Variants in GC observed in about 807,000 individuals in gnomAD.
GC encodes vitamin D-binding protein.
Under a neutral mutation model 56.7 loss-of-function variants are expected in GC, and 43 were observed. The ratio of observed to expected loss-of-function variants is 0.76; its 90% CI spans 0.59 to 0.98. GC has a LOEUF of 0.98. GC is among the 50% of genes least tolerant of loss of function. GC has a pLI of 0.00. For missense variants in GC, 529 were observed against 545.9 expected (o/e 0.97, Z 0.31); for synonymous variants, 216 against 202.7 (o/e 1.07, Z -0.56).
At chr4:71,747,580 T>A (rs1050583410) in intron 11 of GC, among the ~76,000 whole-genome samples, 3 of 152,168 alleles carry the variant, frequency 2.0e-5, no homozygotes, top group Non-Finnish European at 4.4e-5. Context: ...GTTTATTAGA[T>A]TTAACAAGAA....
chr4:71,786,534 G>T (rs796484988), upstream of GC, among the ~76,000 whole-genome samples: 4 of 151,760 alleles, frequency 2.6e-5, no homozygotes, highest in African/African-American at 9.7e-5. Context: ...TTTTGCAGGA[G>T]CTGTTTTTCC....
chr4:71,803,972 T>C, exon 1 of GC: 1 of 1,435,298 alleles, frequency 7.0e-7, no homozygotes, highest in Non-Finnish European at 9.5e-7. Flanking sequence ...CTAGTCCAGA[T>C]CATCACCAGT....
In GC at chr4:71,768,417, T is replaced by C. The variant is rs375694858; in HGVS notation, c.145A>G (p.Ser49Gly). The C allele has an allele frequency of 1.2e-5, 20 of 1,611,798 alleles. No homozygotes were observed. The highest frequency in any genetic ancestry group is 1.4e-5 in the Non-Finnish European group (17 of 1,179,132). ...AACGTGCCACTGGGAAATTTTCTAC[T>C]GTACAGGACTAGTGACCTGAGGGGA... ...DFTSLSLVLY[S>G]RKFPSGTFEQ... The change falls in exon 3 of 13, where the codon AGT (serine) becomes GGT (glycine). Residue 49 changes from serine to glycine, a missense_variant. Ser to Gly is a moderately conservative substitution (Grantham distance 56, BLOSUM62 0). Coordinates refer to ENST00000273951, the MANE Select transcript of GC (RefSeq NM_000583.4).
chr4:71,804,706 T>A (rs979413092), upstream of GC, among the ~76,000 whole-genome samples: 19 of 152,166 alleles, frequency 1.2e-4, no homozygotes, highest in Admixed American at 6.6e-5. Flanking sequence ...TTTAAAAGTG[T>A]CGAAAGTAAT....
chr4:71,796,923 C>T (rs1203258522), intron 1 of GC, among the ~76,000 whole-genome samples: 1 of 152,174 alleles, frequency 6.6e-6, no homozygotes, highest in Non-Finnish European at 1.5e-5. Context: ...ACAGTCAGGT[C>T]CCTCAGTTGC....
At chr4:71,782,113 C>G (rs1020331043) in intron 1 of GC, among the ~76,000 whole-genome samples, 1 of 151,582 alleles carries the variant, frequency 6.6e-6, no homozygotes, top group African/African-American at 2.4e-5. Context: ...ACAGAAACTT[C>G]TTTTCAAGGT....
At chr4:71,793,011 A>G (rs1743009518) in intron 1 of GC, among the ~76,000 whole-genome samples, 1 of 151,880 alleles carries the variant, frequency 6.6e-6, no homozygotes, top group South Asian at 2.1e-4. Flanking sequence ...TTCTGTTCCA[A>G]TGGTCTATAT....
At chr4:71,785,601 G>C (rs187456733), upstream of GC, among the ~76,000 whole-genome samples, 1 of 151,872 alleles carries the variant, frequency 6.6e-6, no homozygotes, top group East Asian at 1.9e-4. Context: ...AAGTATTTCT[G>C]TAAGGCCAGT....
upstream of GC, among the ~76,000 whole-genome samples, chr4:71,784,546 G>A (rs574044394): frequency 9.2e-5 from 14 of 151,692 alleles, no homozygotes; most frequent in African/African-American, 3.4e-4. Context: ...AAGTAAAAGG[G>A]GAAAAAGAGT....
upstream of GC, chr4:71,804,050 C>G (rs1743308195): frequency 3.9e-6 from 3 of 771,592 alleles, no homozygotes; most frequent in Non-Finnish European, 6.7e-6. Flanking sequence ...GTGAAAAGAG[C>G]ATCAACGTTG....
At chr4:71,765,214 A>G (rs1338003551) in intron 4 of GC, among the ~76,000 whole-genome samples, 1 of 152,180 alleles carries the variant, frequency 6.6e-6, no homozygotes, top group Non-Finnish European at 1.5e-5. Flanking sequence ...TAATAGGATT[A>G]GGGTTAGTAA....
At chr4:71,795,890 G>C (rs1457677704) in intron 1 of GC, among the ~76,000 whole-genome samples, 1 of 152,128 alleles carries the variant, frequency 6.6e-6, no homozygotes, top group East Asian at 1.9e-4. Context: ...TGTCTGTAAA[G>C]GATTTTATTT....
chr4:71,788,981 TA>T (rs1742909139), upstream of GC, among the ~76,000 whole-genome samples: 1 of 151,938 alleles, frequency 6.6e-6, no homozygotes, highest in Non-Finnish European at 1.5e-5. Context: ...GGTTTTATAA[TA>T]ATTTTTTAAT....
chr4:71,742,953 G>A (rs1276522101), intron 12 of GC, among the ~76,000 whole-genome samples: 9 of 152,112 alleles, frequency 5.9e-5, no homozygotes, highest in Admixed American at 3.3e-4. Context: ...CAGACTGGGC[G>A]ACAGAGTGAG....
intron 1 of GC, among the ~76,000 whole-genome samples, chr4:71,793,128 T>A (rs780311657): frequency 9.2e-5 from 14 of 152,242 alleles, no homozygotes; most frequent in Non-Finnish European, 1.6e-4. Context: ...TGCTTAGGAT[T>A]GTCTTGGCAA....
chr4:71,797,188 T>A (rs1188379146), intron 1 of GC, among the ~76,000 whole-genome samples: 1 of 152,222 alleles, frequency 6.6e-6, no homozygotes, highest in Non-Finnish European at 1.5e-5. Flanking sequence ...AGAGCTCACA[T>A]GCCATGCTGG....
chr4:71,775,972 A>G (rs1742495517), intron 1 of GC, among the ~76,000 whole-genome samples: 1 of 152,078 alleles, frequency 6.6e-6, no homozygotes, highest in Non-Finnish European at 1.5e-5. Flanking sequence ...CACACCTGTT[A>G]GAATGGCTAT....
intron 7 of GC, 29 bp downstream of exon 7, chr4:71,758,013 G>C: frequency 1.2e-6 from 2 of 1,602,824 alleles, no homozygotes; most frequent in Non-Finnish European, 1.7e-6. Flanking sequence ...CCTGGCACAT[G>C]GTGATAATGA....
intron 11 of GC, among the ~76,000 whole-genome samples, chr4:71,747,604 G>T (rs534476070): frequency 6.6e-6 from 1 of 152,096 alleles, no homozygotes; most frequent in Non-Finnish European, 1.5e-5. Flanking sequence ...TATTGTTGGC[G>T]TGCCTTTGTT....
Sources: gnomAD v4.1 joint callset for allele counts (sites outside exome capture counted in the v4.1 genomes callset) on GRCh38, gnomAD v4.1.1 for gene constraint, MANE v1.5 for transcripts, NCBI Gene and HGNC (gene_info 2026-07-23, HGNC 2026-07-21) for gene names.